Variants in SH3GL2 observed in about 807,000 individuals in gnomAD.
The protein encoded by SH3GL2 is SH3 domain containing GRB2 like 2, endophilin A1.
In SH3GL2, 24 loss-of-function variants were observed where a neutral mutation model predicts 46.0. The ratio of observed to expected loss-of-function variants is 0.52; its 90% CI spans 0.38 to 0.73. The LOEUF (loss-of-function observed/expected upper bound fraction) is 0.73. Ranked by LOEUF, SH3GL2 falls within the 30% of genes least tolerant of loss-of-function variation. SH3GL2 has a pLI of 0.00. For synonymous variants in SH3GL2, 196 were observed against 147.1 expected, an observed-to-expected ratio of 1.33 and a Z score of -2.40; for missense variants, 413 against 424.2, an observed-to-expected ratio of 0.97 and a Z score of 0.23.
intron 1 of SH3GL2, among the ~76,000 whole-genome samples, chr9:17,676,819 C>T (rs1313515647): frequency 6.6e-6 from 1 of 152,108 alleles, no homozygotes. Flanking sequence ...GATGCTTCTC[C>T]ATCTTGCTTT....
At chr9:17,655,466 C>T (rs1270851838) in intron 1 of SH3GL2, among the ~76,000 whole-genome samples, 1 of 152,066 alleles carries the variant, frequency 6.6e-6, no homozygotes, top group African/African-American at 2.4e-5. Flanking sequence ...TGACTTACTG[C>T]TTCATGATAT....
In SH3GL2 at chr9:17,696,880, A is replaced by G. The variant is rs567238867; in HGVS notation, c.46-50186A>G. ...AAATTGCTCTCCACATGCATAGCATATCCATAACCCTCTTACCTTCCATCA... is the reference window on the plus strand; with the variant it reads ...AAATTGCTCTCCACATGCATAGCATGTCCATAACCCTCTTACCTTCCATCA... On this transcript the variant is annotated intron_variant, in intron 1 of 8. Transcript: ENST00000380607. Among the ~76,000 whole-genome samples, 99 of 152,288 alleles carry G rather than the reference A, an allele frequency of 6.5e-4. No homozygotes were observed. The Middle Eastern group carries it at 0.014, about 21-fold the overall frequency.
At chr9:17,668,724 G>T (rs1325750161) in intron 1 of SH3GL2, among the ~76,000 whole-genome samples, 1 of 152,030 alleles carries the variant, frequency 6.6e-6, no homozygotes, top group African/African-American at 2.4e-5. Context: ...TGGCACAATC[G>T]TAGCTCACTG....
At chr9:17,689,663 T>A (rs1051126919) in intron 1 of SH3GL2, among the ~76,000 whole-genome samples, 1 of 152,060 alleles carries the variant, frequency 6.6e-6, no homozygotes, top group Admixed American at 6.6e-5. Context: ...GCAAGGTTAT[T>A]CCTGCCTTTC....
chr9:17,589,527 C>A (rs1012653424), intron 1 of SH3GL2: 14 of 152,070 alleles, frequency 9.2e-5, no homozygotes, highest in African/African-American at 3.4e-4. Flanking sequence ...ACAGTGACAA[C>A]TTCTCTAACC....
chr9:17,588,711 C>G (rs1007205856), intron 1 of SH3GL2, among the ~76,000 whole-genome samples: 2 of 152,192 alleles, frequency 1.3e-5, no homozygotes, highest in Admixed American at 6.5e-5. Context: ...TCATTTTGGC[C>G]TTGTGAGGCC....
chr9:17,749,468 G>A (rs1822784563), intron 2 of SH3GL2, among the ~76,000 whole-genome samples: 1 of 152,100 alleles, frequency 6.6e-6, no homozygotes, highest in African/African-American at 2.4e-5. Context: ...CCCCTGGAGA[G>A]CATTTATAGT....
intron 1 of SH3GL2, among the ~76,000 whole-genome samples, chr9:17,709,823 A>G (rs949371453): frequency 5.3e-5 from 8 of 151,998 alleles, no homozygotes; most frequent in African/African-American, 1.9e-4. Context: ...TTGAGTTCCT[A>G]GTATGTTCCA....
chr9:17,639,080 A>G (rs1174076676), intron 1 of SH3GL2, among the ~76,000 whole-genome samples: 1 of 152,246 alleles, frequency 6.6e-6, no homozygotes, highest in Non-Finnish European at 1.5e-5. Flanking sequence ...GGTATGTTGA[A>G]TGAATGTATG....
chr9:17,726,542 C>G (rs184042823), intron 1 of SH3GL2, among the ~76,000 whole-genome samples: 61 of 151,942 alleles, frequency 4.0e-4, no homozygotes, highest in African/African-American at 1.4e-3. Flanking sequence ...ATAGTGAGCT[C>G]GAATGTTTAA....
intron 1 of SH3GL2, among the ~76,000 whole-genome samples, chr9:17,728,383 C>T (rs906889420): frequency 6.6e-6 from 1 of 152,134 alleles, no homozygotes; most frequent in Non-Finnish European, 1.5e-5. Context: ...ATAACTTACT[C>T]TTCCAGCAGA....
intron 3 of SH3GL2, among the ~76,000 whole-genome samples, chr9:17,785,987 A>G (rs1346844694): frequency 1.3e-5 from 2 of 152,196 alleles, no homozygotes; most frequent in Non-Finnish European, 2.9e-5. Context: ...CTATAAAACT[A>G]GAATAAAATT....
intron 1 of SH3GL2, among the ~76,000 whole-genome samples, chr9:17,738,146 C>T (rs1296701805): frequency 3.3e-5 from 5 of 152,044 alleles, no homozygotes; most frequent in Non-Finnish European, 7.4e-5. Flanking sequence ...TTAAAACCTT[C>T]AGTGCTTGCA....
At chr9:17,687,654 G>C (rs953032794) in intron 1 of SH3GL2, among the ~76,000 whole-genome samples, 1 of 152,002 alleles carries the variant, frequency 6.6e-6, no homozygotes, top group Non-Finnish European at 1.5e-5. Flanking sequence ...TGAAAATCAT[G>C]TTCCCTATAG....
intron 1 of SH3GL2, among the ~76,000 whole-genome samples, chr9:17,674,734 T>C (rs1768318351): frequency 2.0e-5 from 3 of 152,192 alleles, no homozygotes; most frequent in Non-Finnish European, 2.9e-5. Flanking sequence ...CTCACATCTC[T>C]GGCAATTTGT....
intron 1 of SH3GL2, among the ~76,000 whole-genome samples, chr9:17,678,960 C>G (rs1230295549): frequency 6.6e-6 from 1 of 152,164 alleles, no homozygotes; most frequent in East Asian, 1.9e-4. Flanking sequence ...GATATTATTT[C>G]TGAGGCCTCT....
intron 1 of SH3GL2, among the ~76,000 whole-genome samples, chr9:17,645,182 T>TTTTTTTTTTTTTTTTA (rs1819781790): frequency 8.2e-5 from 6 of 72,762 alleles, no homozygotes; most frequent in Non-Finnish European, 1.1e-4. Context: ...TTTTTTTTTT[T>TTTTTTTTTTTTTTTTA]GCTTTCCATT....
At chr9:17,628,391 G>T (rs73645105) in intron 1 of SH3GL2, among the ~76,000 whole-genome samples, 4 of 151,062 alleles carry the variant, frequency 2.6e-5, no homozygotes, top group African/African-American at 9.8e-5. Context: ...TTCTGGGGAT[G>T]CCCAGATAAC....
chr9:17,611,152 A>C (rs1025722042), intron 1 of SH3GL2, among the ~76,000 whole-genome samples: 2 of 152,204 alleles, frequency 1.3e-5, no homozygotes, highest in African/African-American at 4.8e-5. Flanking sequence ...TAACCTTGCA[A>C]ATAGGAAGTA....
Sources: allele counts gnomAD v4.1 joint callset (sites outside exome capture counted in the v4.1 genomes callset), GRCh38; gene constraint gnomAD v4.1.1; transcripts MANE v1.5; gene names NCBI Gene and HGNC (gene_info 2026-07-23, HGNC 2026-07-21).